Variants in KCNN2 observed in about 807,000 individuals in gnomAD.
KCNN2 encodes the protein small conductance calcium-activated potassium channel protein 2.
In KCNN2, 24 loss-of-function variants were observed where a neutral mutation model predicts 55.5. The ratio of observed to expected loss-of-function variants is 0.43; its 90% confidence interval spans 0.31 to 0.61. The LOEUF (loss-of-function observed/expected upper bound fraction) is 0.61. Ranked by LOEUF, KCNN2 falls within the 20% of genes least tolerant of loss-of-function variation. KCNN2 has a pLI of 0.08. For synonymous variants in KCNN2, 431 were observed against 336.1 expected (o/e 1.28, Z -3.09); for missense variants, 754 against 853.6 (o/e 0.88, Z 1.45).
At chr5:114,173,676 T>C (rs912827384) in intron 1 of KCNN2, among the ~76,000 whole-genome samples, 12 of 151,802 alleles carry the variant, frequency 7.9e-5, no homozygotes, top group African/African-American at 2.7e-4. Flanking sequence ...TTCATCAGCG[T>C]TTTGTATTTT....
intron 1 of KCNN2, among the ~76,000 whole-genome samples, chr5:114,135,888 G>T (rs1010687956): frequency 6.6e-6 from 1 of 152,074 alleles, no homozygotes; most frequent in African/African-American, 2.4e-5. Flanking sequence ...TAATATATAC[G>T]TGTGGAAAAT....
chr5:114,355,337 C>A lies in KCNN2; in HGVS notation c.-184-5608C>A, dbSNP rs548689849. Among the ~76,000 whole-genome samples, 6 of 152,198 alleles carry A rather than the reference C, an allele frequency of 3.9e-5. No homozygotes were observed. The South Asian group carries it at 1.2e-3, about 32-fold the overall frequency. On this transcript the variant is annotated intron_variant, in intron 2 of 10. Coordinates refer to the KCNN2 transcript ENST00000512097. ...GAAAAATGAGTCAATATATCTTGTG[C>A]CCTAACACTGTATGGAAGAAGAAAA...
intron 2 of KCNN2, among the ~76,000 whole-genome samples, chr5:114,250,236 A>G (rs370517749): frequency 4.6e-5 from 7 of 152,334 alleles, no homozygotes; most frequent in African/African-American, 1.7e-4. Context: ...AACAAGCTAC[A>G]TTGTTCCTTA....
chr5:114,476,542 C>A (rs575385873), intron 5 of KCNN2, among the ~76,000 whole-genome samples: 1 of 151,924 alleles, frequency 6.6e-6, no homozygotes, highest in Non-Finnish European at 1.5e-5. Context: ...CCTCAGCCCC[C>A]CAAATAGCTG....
At chr5:114,262,141 A>G (rs925589689) in intron 2 of KCNN2, among the ~76,000 whole-genome samples, 6 of 152,086 alleles carry the variant, frequency 3.9e-5, no homozygotes, top group African/African-American at 1.4e-4. Flanking sequence ...GCCGATCTAT[A>G]TTTTCGAATT....
intron 2 of KCNN2, among the ~76,000 whole-genome samples, chr5:114,382,875 T>G (rs998039678): frequency 2.0e-5 from 3 of 152,216 alleles, no homozygotes; most frequent in Admixed American, 6.5e-5. Flanking sequence ...TGTTCAGAAT[T>G]TCTGTCTGGG....
intron 6 of KCNN2, among the ~76,000 whole-genome samples, chr5:114,491,495 A>G (rs906912155): frequency 5.6e-5 from 8 of 141,692 alleles, no homozygotes; most frequent in Non-Finnish European, 1.2e-4. Context: ...CTCTGAGCTG[A>G]GATTCTGCTT....
chr5:114,342,136 C>T (rs1348100524), intron 2 of KCNN2, among the ~76,000 whole-genome samples: 2 of 152,006 alleles, frequency 1.3e-5, no homozygotes, highest in Non-Finnish European at 2.9e-5. Context: ...CTCCTGACCT[C>T]GTGATCCACC....
At chr5:114,238,397 G>A (rs184891707) in intron 2 of KCNN2, among the ~76,000 whole-genome samples, 52 of 152,108 alleles carry the variant, frequency 3.4e-4, no homozygotes, top group Non-Finnish European at 5.1e-4. Flanking sequence ...AGGCCGAGGC[G>A]GGTGGATTGT....
chr5:114,190,901 T>C (rs1270360273), intron 1 of KCNN2, among the ~76,000 whole-genome samples: 3 of 152,160 alleles, frequency 2.0e-5, no homozygotes, highest in African/African-American at 7.2e-5. Context: ...GAAGCTGTAA[T>C]TCTTTATAGC....
chr5:114,263,551 C>T (rs897285327), intron 2 of KCNN2, among the ~76,000 whole-genome samples: 2 of 151,980 alleles, frequency 1.3e-5, no homozygotes, highest in African/African-American at 4.8e-5. Context: ...GAGTTCTTCC[C>T]TTCACCCGTT....
At chr5:114,256,790 C>T (rs1754991672) in intron 2 of KCNN2, among the ~76,000 whole-genome samples, 1 of 151,544 alleles carries the variant, frequency 6.6e-6, no homozygotes, top group Non-Finnish European at 1.5e-5. Context: ...TTGTCAGATG[C>T]ATATTTTCAC....
chr5:114,129,788 G>T (rs1402866327), intron 1 of KCNN2, among the ~76,000 whole-genome samples: 1 of 152,190 alleles, frequency 6.6e-6, no homozygotes, highest in Non-Finnish European at 1.5e-5. Flanking sequence ...ATCATAGACT[G>T]TTGGCTCAGT....
intron 2 of KCNN2, among the ~76,000 whole-genome samples, chr5:114,354,860 TA>T (rs926160336): frequency 7.2e-5 from 11 of 152,200 alleles, no homozygotes; most frequent in African/African-American, 2.7e-4. Flanking sequence ...TTGTATGACC[TA>T]ATTATTGTAC....
chr5:114,399,188 A>G (rs1030012169), intron 2 of KCNN2, among the ~76,000 whole-genome samples: 1 of 152,012 alleles, frequency 6.6e-6, no homozygotes, highest in South Asian at 2.1e-4. Context: ...TTTGTCATAG[A>G]TTGCTCTTAT....
At chr5:114,248,656 A>T (rs1170109036) in intron 2 of KCNN2, among the ~76,000 whole-genome samples, 1 of 152,198 alleles carries the variant, frequency 6.6e-6, no homozygotes, top group East Asian at 1.9e-4. Context: ...TTATTTACAG[A>T]GAAGAAAACA....
At chr5:114,205,204 C>T (rs184026341) in intron 1 of KCNN2, among the ~76,000 whole-genome samples, 2 of 152,064 alleles carry the variant, frequency 1.3e-5, no homozygotes, top group African/African-American at 2.4e-5. Context: ...ATAGGACATA[C>T]GTTTAAACTT....
intron 2 of KCNN2, among the ~76,000 whole-genome samples, chr5:114,385,929 A>T (rs530992693): frequency 6.6e-6 from 1 of 151,968 alleles, no homozygotes; most frequent in African/African-American, 2.4e-5. Context: ...CTGTAATCCC[A>T]ACACTTTGGG....
At chr5:114,180,203 T>C (rs1372100640) in intron 1 of KCNN2, among the ~76,000 whole-genome samples, 2 of 152,154 alleles carry the variant, frequency 1.3e-5, no homozygotes, top group Non-Finnish European at 2.9e-5. Context: ...CCAAAATCCA[T>C]ATAGACATTT....
Sources: allele counts gnomAD v4.1 joint callset (sites outside exome capture counted in the v4.1 genomes callset), GRCh38; gene constraint gnomAD v4.1.1; transcripts MANE v1.5; gene names NCBI Gene and HGNC (gene_info 2026-07-23, HGNC 2026-07-21).